Variants in GBP7 observed in about 807,000 individuals in gnomAD.
GBP7 encodes the protein guanylate-binding protein 7.
Under a neutral mutation model 61.3 loss-of-function variants are expected in GBP7, and 43 were observed. The ratio of observed to expected loss-of-function variants is 0.70; its 90% CI spans 0.55 to 0.91. The LOEUF is 0.91. Among genes scored for constraint, GBP7 ranks in the 40% least tolerant of loss-of-function variants. The pLI is 0.00. For synonymous variants in GBP7, 267 were observed against 271.0 expected, an observed-to-expected ratio of 0.99 and a Z score of 0.14; for missense variants, 717 against 740.5, an observed-to-expected ratio of 0.97 and a Z score of 0.37.
rs1486474936 is a variant in GBP7 at position 89,141,538 on chromosome 1, C to T, written c.1468+8G>A. ...CATTTGCCTGAGAGCTGAGCCCTGC[C>T]CCTGTACCTGCTATGGCCTTCTCTC... is the stretch of plus-strand genomic sequence containing the variant. On this transcript the variant is annotated splice_region_variant and intron_variant, in intron 9 of 10. Transcript: ENST00000294671. 1.9e-6 allele frequency: 3 copies of T among 1,612,524 alleles called. No homozygotes were observed. Among genetic ancestry groups the T allele is most frequent in the African/African-American group, 2.7e-5 (2 of 74,860 alleles).
rs567983036 is a variant in GBP7 at position 89,141,786 on chromosome 1, TC to T, written c.1366-139del. On this transcript the variant is annotated intron_variant, in intron 8 of 10. Transcript: ENST00000294671. The stretch of plus-strand genomic sequence containing the variant: ...TCTTAAGATTCCACAGTGGTTTCTT[TC>T]CTTCCACAGCCACAATAAAAAGTCC... 1,371 of 661,886 alleles carry T rather than the reference TC, an allele frequency of 2.1e-3. 16 individuals carry two copies. In the African/African-American group the frequency reaches 0.022, roughly 11 times the overall value. 41.0% of individuals were successfully genotyped at this position (661,886 alleles called of 1,614,324 possible).
intron 5 of GBP7, among the ~76,000 whole-genome samples, chr1:89,152,002 A>G (rs985519726): frequency 1.6e-4 from 24 of 152,210 alleles, no homozygotes; most frequent in African/African-American, 5.8e-4. Context: ...GTAATCCTCA[A>G]TATATTTTTC....
chr1:89,172,580 A>T (rs528983442), intron 1 of GBP7, among the ~76,000 whole-genome samples: 2 of 151,946 alleles, frequency 1.3e-5, no homozygotes, highest in African/African-American at 4.8e-5. Context: ...AGTGTCTTGT[A>T]TTAAGGGATT....
chr1:89,171,292 G>T (rs191598313), intron 2 of GBP7, among the ~76,000 whole-genome samples: 3 of 152,238 alleles, frequency 2.0e-5, no homozygotes, highest in African/African-American at 7.2e-5. Flanking sequence ...CTGACTGGTA[G>T]CTTGGTGCTT....
At chr1:89,143,006 G>A (rs1681988339) in intron 8 of GBP7, among the ~76,000 whole-genome samples, 1 of 152,128 alleles carries the variant, frequency 6.6e-6, no homozygotes, top group African/African-American at 2.4e-5. Flanking sequence ...ATACTGTTGT[G>A]ACCATTTCTG....
At chr1:89,154,938 G>T (rs1191606078) in intron 3 of GBP7, among the ~76,000 whole-genome samples, 1 of 152,122 alleles carries the variant, frequency 6.6e-6, no homozygotes, top group African/African-American at 2.4e-5. Context: ...GCCTAACTGG[G>T]AGGCACCTCC....
intron 3 of GBP7, among the ~76,000 whole-genome samples, chr1:89,159,738 A>G (rs1156262037): frequency 6.6e-6 from 1 of 152,248 alleles, no homozygotes; most frequent in African/African-American, 2.4e-5. Flanking sequence ...ATGTGGAGAA[A>G]TAGGAACACT....
At chr1:89,140,324 A>G (rs1046803115) in intron 9 of GBP7, among the ~76,000 whole-genome samples, 1 of 151,074 alleles carries the variant, frequency 6.6e-6, no homozygotes, top group Non-Finnish European at 1.5e-5. Context: ...TAGCATTAGG[A>G]GATATACCTA....
At chr1:89,162,612 G>T (rs924444195) in intron 3 of GBP7, among the ~76,000 whole-genome samples, 11 of 152,190 alleles carry the variant, frequency 7.2e-5, no homozygotes, top group Non-Finnish European at 1.2e-4. Flanking sequence ...TATCGATTTT[G>T]TATCCTGAGA....
intron 3 of GBP7, among the ~76,000 whole-genome samples, chr1:89,160,291 C>T (rs1682410169): frequency 1.3e-5 from 2 of 152,074 alleles, no homozygotes; most frequent in Admixed American, 1.3e-4. Context: ...AGCACACCAA[C>T]ATGGCACGTG....
chr1:89,152,379 A>G lies in GBP7; in HGVS notation c.514T>C (p.Phe172Leu). 6.2e-7 allele frequency: 1 copy of G among 1,614,164 alleles called. No individual in the cohort carries two copies. Among genetic ancestry groups the G allele is most frequent in the Non-Finnish European group, 8.5e-7 (1 of 1,180,024 alleles). Residue 172 changes from phenylalanine (F) to leucine (L), a missense_variant, in exon 5 of 11, where the codon TTC becomes CTC. Around this residue, in one of 3 missense-constraint regions of GBP7, gnomAD observed 387 missense variants for 385.2 expected, o/e 1.00. Coordinates refer to ENST00000294671, the MANE Select transcript of GBP7 (RefSeq NM_207398.3). ...EVEDSSEFVS[F>L]FPDFIWTVRD... ...ACAGTCCAAATAAAGTCTGGAAAGA[A>G]ACTCACAAACTCGCTGGAGTCCTCA... is the stretch of plus-strand genomic sequence containing the variant.
Position 89,147,661 on chromosome 1 carries a change from C to G in GBP7, c.1271G>C (p.Gly424Ala), listed in dbSNP as rs1326042285. 1 of 1,614,126 alleles carries G rather than the reference C, an allele frequency of 6.2e-7. No individual in the cohort carries two copies. The highest frequency in any genetic ancestry group is 2.2e-5 in the East Asian group (1 of 44,886). Residue 424 changes from glycine (G) to alanine (A), a missense_variant, in exon 8 of 11, where the codon GGA (glycine) becomes GCA (alanine). Gly to Ala is a moderately conservative substitution (Grantham distance 60, BLOSUM62 0). Around this residue, in one of 3 missense-constraint regions of GBP7, gnomAD observed 312 missense variants for 310.1 expected, o/e 1.01. Transcript: ENST00000294671. ...GTGCCCCCCCGGAACAAAGAAAGTT[C>G]CTCTTGAAATACTTTCTGTCAAGAG... is the stretch of plus-strand genomic sequence containing the variant. The part of the protein sequence containing the change: ...SELLTESISR[G>A]TFFVPGGHNI...
intron 1 of GBP7, among the ~76,000 whole-genome samples, chr1:89,173,741 T>G (rs1319013219): frequency 6.6e-6 from 1 of 152,210 alleles, no homozygotes; most frequent in East Asian, 1.9e-4. Flanking sequence ...CCTTCACATC[T>G]TGGTATCTTG....
At chr1:89,175,095 T>G (rs1647704446) in intron 1 of GBP7, among the ~76,000 whole-genome samples, 1 of 152,226 alleles carries the variant, frequency 6.6e-6, no homozygotes, top group Admixed American at 6.5e-5. Context: ...CCTTGTAACT[T>G]ATGTGATCAT....
At chr1:89,172,888 G>A (rs1225666684) in intron 1 of GBP7, among the ~76,000 whole-genome samples, 1 of 151,800 alleles carries the variant, frequency 6.6e-6, no homozygotes, top group African/African-American at 2.4e-5. Context: ...AGCAAGGGCT[G>A]TTCCTTCTTT....
intron 10 of GBP7, among the ~76,000 whole-genome samples, chr1:89,132,805 A>T (rs1681710256): frequency 6.6e-6 from 1 of 152,190 alleles, no homozygotes; most frequent in Admixed American, 6.5e-5. Context: ...AATATGTTTT[A>T]CTCTAGTTGT....
intron 2 of GBP7, among the ~76,000 whole-genome samples, chr1:89,166,812 T>G (rs936841391): frequency 5.9e-5 from 9 of 152,214 alleles, no homozygotes; most frequent in Admixed American, 1.3e-4. Context: ...TTGCAAGTGG[T>G]CTAACTTGCA....
At chr1:89,171,431 T>G (rs1411528565) in intron 2 of GBP7, among the ~76,000 whole-genome samples, 1 of 152,058 alleles carries the variant, frequency 6.6e-6, no homozygotes, top group African/African-American at 2.4e-5. Flanking sequence ...GATTGAAACA[T>G]TCATTTTATC....
intron 2 of GBP7, among the ~76,000 whole-genome samples, chr1:89,169,687 T>C (rs186874724): frequency 1.1e-3 from 167 of 152,278 alleles, no homozygotes; most frequent in African/African-American, 3.4e-3. Context: ...AATGTAAATT[T>C]CAAGAGATGA....
Sources: gnomAD v4.1 joint callset for allele counts (sites outside exome capture counted in the v4.1 genomes callset) on GRCh38, gnomAD v4.1.1 for gene constraint, gnomAD v4.1.1 regional missense constraint, MANE v1.5 for transcripts, NCBI Gene and HGNC (gene_info 2026-07-23, HGNC 2026-07-21) for gene names.